Variants in L1CAM observed in about 807,000 individuals in gnomAD.
L1CAM encodes neural cell adhesion molecule L1.
A neutral mutation model predicts 93.0 loss-of-function variants in L1CAM; 8 were observed. The ratio of observed to expected loss-of-function variants is 0.09; its 90% confidence interval spans 0.05 to 0.16. The LOEUF is 0.16. L1CAM is among the 10% of genes least tolerant of loss of function. The probability of loss-of-function intolerance (pLI) is 1.00; values close to 1 mark genes in which losing one functional copy is unlikely to be tolerated. For missense variants in L1CAM, 777 were observed against 1,073.4 expected (o/e 0.72, Z 3.86); for synonymous variants, 453 against 453.0 (o/e 1.00, Z 0.00).
intron 1 of L1CAM, among the ~76,000 whole-genome samples, chrX:153,878,944 G>A (rs993111537): frequency 1.8e-5 from 2 of 110,375 alleles, no homozygotes; most frequent in African/African-American, 3.3e-5. Context: ...GCTTGCCACC[G>A]CCCTGGGCAG....
chrX:153,875,990 A>AGAGAAC (rs1282399875), intron 1 of L1CAM, 46 bp from the exon 2 acceptor site: 11 of 506,561 alleles, frequency 2.2e-5, no homozygotes, highest in Non-Finnish European at 2.8e-5. Flanking sequence ...AAGAGAGACG[A>AGAGAAC]GAGAACGGAA....
chrX:153,880,405 G>C (rs1286212789), intron 1 of L1CAM: 1 of 224,356 alleles, frequency 4.5e-6, no homozygotes, highest in Non-Finnish European at 8.3e-6. Flanking sequence ...CAACAGCACA[G>C]CAGAGACTAT....
intron 14 of L1CAM, 83 bp downstream of exon 14, chrX:153,868,219 C>T: frequency 1.7e-6 from 2 of 1,188,212 alleles, no homozygotes; most frequent in Non-Finnish European, 2.3e-6. Context: ...TCAGAGCCTT[C>T]CCCATCAAAG....
intron 1 of L1CAM, chrX:153,884,040 G>C (rs1164140885): frequency 2.6e-6 from 1 of 387,218 alleles, no homozygotes; most frequent in East Asian, 9.5e-5. Context: ...TGGGCACCCT[G>C]CTCACTGTAG....
At chrX:153,880,412 C>G (rs781945508) in intron 1 of L1CAM, 5 of 225,226 alleles carry the variant, frequency 2.2e-5, no homozygotes, top group East Asian at 1.6e-4. Context: ...ACAGCAGAGA[C>G]TATCCGGCTT....
In L1CAM at chrX:153,862,402, C is replaced by T. The variant is rs201740224; in HGVS notation, c.*261G>A. Reference sequence around the variant, plus strand: ...TACTTCTTCTCCCCCAAACCACAGCCTCTCTGCCCAAATGGGCTGGCAAAA... The same window carrying T: ...TACTTCTTCTCCCCCAAACCACAGCTTCTCTGCCCAAATGGGCTGGCAAAA... On this transcript the variant is annotated 3_prime_UTR_variant, in exon 29 of 29. Transcript: ENST00000370060. 5 of 355,129 alleles carry T rather than the reference C, an allele frequency of 1.4e-5. No individual in the cohort carries two copies. 29.3% of individuals were successfully genotyped at this position (355,129 alleles called of 1,213,427 possible).
chrX:153,883,967 C>T, intron 1 of L1CAM: 1 of 342,389 alleles, frequency 2.9e-6, no homozygotes, highest in Non-Finnish European at 5.9e-6. Context: ...AAGGAAGGCG[C>T]CAGCTGTAGT....
Position 153,870,922 on chromosome X carries a change from C to T in L1CAM, c.562G>A (p.Gly188Ser), listed in dbSNP as rs1557092897. Residue 188 changes from glycine to serine, a missense_variant, in exon 7 of 29, where the codon GGC becomes AGC. Gly to Ser is a moderately conservative substitution (Grantham distance 56). Coordinates refer to ENST00000370060, the MANE Select transcript of L1CAM (RefSeq NM_001278116.2). ...GCAAAGTAGAGGTTGCCGTTCTGGC[C>T]CATCGTCACCCGCTCGTCCTGCTTG... ...HIKQDERVTMGQNGNLYFANV... is the reference protein window; with the variant it reads ...HIKQDERVTMSQNGNLYFANV... 1 of 1,208,734 alleles carries T rather than the reference C, an allele frequency of 8.3e-7. No homozygotes were observed. Among genetic ancestry groups the T allele is most frequent in the Non-Finnish European group, 1.1e-6 (1 of 894,927 alleles).
chrX:153,866,842 G>A lies in L1CAM; in HGVS notation c.2238C>T (p.Pro746=), dbSNP rs781959730. ...KPLRWMDWNA[P]QVQYRVQWRP... is the part of the protein sequence containing the mutation. Reference sequence around the variant, plus strand: ...GCCACTGCACGCGGTACTGAACCTGGGGGGCGTTCCAGTCCATCCACCGGA... The same window carrying A: ...GCCACTGCACGCGGTACTGAACCTGAGGGGCGTTCCAGTCCATCCACCGGA... Residue 746 remains proline (P), a synonymous_variant, in exon 19 of 29, where the codon CCC becomes CCT. Transcript: ENST00000370060. 8.3e-7 allele frequency: 1 copy of A among 1,211,206 alleles called. No individual in the cohort carries two copies.
Position 153,875,808 on chromosome X carries a change from G to A in L1CAM, c.29C>T (p.Pro10Leu). The A allele has an allele frequency of 2.5e-6, 3 of 1,210,453 alleles. No homozygotes were observed. The highest frequency in any genetic ancestry group is 3.4e-6 in the Non-Finnish European group (3 of 895,239). ...CAGGCAGGGGCTGCAGAGGAGGAGA[G>A]GCCACACGTACCGCAGCGCCACGAC... MVVALRYVW[P>L]LLLCSPCLLI... Residue 10 changes from proline to leucine, a missense_variant, in exon 2 of 29, where the codon CCT becomes CTT. Around this residue, in one of 5 missense-constraint regions of L1CAM, gnomAD observed 574 missense variants for 781.0 expected, o/e 0.73. Coordinates refer to ENST00000370060, the MANE Select transcript of L1CAM (RefSeq NM_001278116.2).
At chrX:153,875,586 G>T in intron 2 of L1CAM, 175 bp downstream of exon 2, 1 of 525,773 alleles carries the variant, frequency 1.9e-6, no homozygotes, top group Non-Finnish European at 3.4e-6. Flanking sequence ...CTTCTACCCT[G>T]CCCTTCTCTC....
intron 1 of L1CAM, among the ~76,000 whole-genome samples, chrX:153,879,460 C>T (rs1427126188): frequency 5.7e-5 from 6 of 104,519 alleles, no homozygotes; most frequent in African/African-American, 2.1e-4. Context: ...CGCAGGCCGC[C>T]TGCACAGCGT....
chrX:153,865,542 C>G (rs782108553), intron 20 of L1CAM, 42 bp from the exon 21 acceptor site: 1 of 1,134,125 alleles, frequency 8.8e-7, no homozygotes, highest in Non-Finnish European at 1.2e-6. Flanking sequence ...CAGAAGGCAC[C>G]CAGCAGGGCC....
At chrX:153,882,619 C>A (rs1439715296) in intron 1 of L1CAM, among the ~76,000 whole-genome samples, 1 of 109,830 alleles carries the variant, frequency 9.1e-6, no homozygotes, top group Non-Finnish European at 1.9e-5. Flanking sequence ...GAGGGGCTCC[C>A]GGGACTCAGT....
chrX:153,872,433 A>T, intron 4 of L1CAM, 79 bp from the exon 5 acceptor site: 1 of 1,038,306 alleles, frequency 9.6e-7, no homozygotes, highest in Non-Finnish European at 1.3e-6. Context: ...GACAGGTGCA[A>T]GCAGCCAGGG....
At chrX:153,882,752 T>C (rs914645112) in intron 1 of L1CAM, among the ~76,000 whole-genome samples, 2 of 110,923 alleles carry the variant, frequency 1.8e-5, no homozygotes, top group Admixed American at 9.6e-5. Context: ...CCCCTGGCCC[T>C]CGCAGCTGCC....
chrX:153,863,790 G>A, intron 26 of L1CAM, 93 bp downstream of exon 26: 1 of 1,131,395 alleles, frequency 8.8e-7, no homozygotes, highest in East Asian at 3.0e-5. Context: ...GGGGAGCTCG[G>A]GGAATCCAGG....
At chrX:153,883,865 T>C (rs1401017458) in intron 1 of L1CAM, 1 of 341,650 alleles carries the variant, frequency 2.9e-6, no homozygotes, top group Non-Finnish European at 5.9e-6. Flanking sequence ...GTGCAGCCAT[T>C]TCGAGCTTTG....
chrX:153,882,425 C>A (rs1266954733), intron 1 of L1CAM, among the ~76,000 whole-genome samples: 1 of 110,212 alleles, frequency 9.1e-6, no homozygotes, highest in Non-Finnish European at 1.9e-5. Flanking sequence ...CCCACGTGGC[C>A]TCATGACAAT....
Sources: gnomAD v4.1 joint callset for allele counts (sites outside exome capture counted in the v4.1 genomes callset) on GRCh38, gnomAD v4.1.1 for gene constraint, gnomAD v4.1.1 regional missense constraint, MANE v1.5 for transcripts, NCBI Gene and HGNC (gene_info 2026-07-23, HGNC 2026-07-21) for gene names.